COL9A1: variants seen among roughly 807,000 people sequenced by gnomAD.
COL9A1 encodes collagen type IX alpha 1 chain, also known as collagen alpha-1(IX) chain.
Under a neutral mutation model 142.6 loss-of-function variants are expected in COL9A1, and 104 were observed. The ratio of observed to expected loss-of-function variants is 0.73; its 90% CI spans 0.62 to 0.86. The LOEUF is 0.86. COL9A1 is among the 40% of genes least tolerant of loss of function. The pLI is 0.00. For synonymous variants in COL9A1, 466 were observed against 396.0 expected (o/e 1.18, Z -2.10); for missense variants, 1,210 against 1,176.6 (o/e 1.03, Z -0.42).
chr6:70,217,230 G>A, intron 37 of COL9A1, 149 bp from the exon 38 acceptor site: 2 of 719,910 alleles, frequency 2.8e-6, no homozygotes, highest in Admixed American at 2.2e-5. Flanking sequence ...TGGTGATGAT[G>A]ATGATGATGA....
chr6:70,302,455 G>A (rs1194006588), intron 1 of COL9A1, among the ~76,000 whole-genome samples: 2 of 151,888 alleles, frequency 1.3e-5, no homozygotes, highest in Admixed American at 6.6e-5. Flanking sequence ...TGATTCGCCC[G>A]CCTCGGCCTC....
chr6:70,232,699 C>A lies in COL9A1; in HGVS notation c.2387G>T (p.Gly796Val). ...AGGAGGGCCGGGGGGACCAGGAGGGCCAGGCCTTCCAGGAAGCCCAGTGGC... is the reference window on the plus strand; with the variant it reads ...AGGAGGGCCGGGGGGACCAGGAGGGACAGGCCTTCCAGGAAGCCCAGTGGC... Reference protein sequence around the residue: ...SGATGLPGRPGPPGPPGPPGE... With the variant: ...SGATGLPGRPVPPGPPGPPGE... The change falls in exon 36 of 38, where the codon GGC becomes GTC. Residue 796 changes from glycine to valine, a missense_variant. Gly to Val is a moderately radical substitution (Grantham distance 109). Transcript: ENST00000357250. 1 of 1,613,964 alleles carries A rather than the reference C, an allele frequency of 6.2e-7. No homozygotes were observed. The highest frequency in any genetic ancestry group is 8.5e-7 in the Non-Finnish European group (1 of 1,180,000).
intron 37 of COL9A1, among the ~76,000 whole-genome samples, chr6:70,223,456 G>C (rs1769015919): frequency 6.6e-6 from 1 of 152,166 alleles, no homozygotes; most frequent in Non-Finnish European, 1.5e-5. Context: ...GTTAGTTAGT[G>C]GCATAGTCAA....
chr6:70,266,789 GTAAT>G lies in COL9A1; in HGVS notation c.1288-23_1288-20del. 1 of 1,607,982 alleles carries G rather than the reference GTAAT, an allele frequency of 6.2e-7. No individual in the cohort carries two copies. The highest frequency in any genetic ancestry group is 8.5e-7 in the Non-Finnish European group (1 of 1,174,614). ...TATGACCCTAACAAATGCAAAATAA[GTAAT>G]TGTCTTGAGTTTGGTACAGAAAGTG... is the stretch of plus-strand genomic sequence containing the variant. On this transcript the variant is annotated intron_variant, in intron 17 of 37. Coordinates refer to ENST00000357250, the MANE Select transcript of COL9A1 (RefSeq NM_001851.6).
At chr6:70,239,424 A>G in intron 32 of COL9A1, 138 bp from the exon 33 acceptor site, 1 of 645,778 alleles carries the variant, frequency 1.5e-6, no homozygotes, top group South Asian at 1.9e-5. Context: ...AAAAAATATT[A>G]GACTCCAATT....
intron 17 of COL9A1, among the ~76,000 whole-genome samples, chr6:70,267,083 C>A (rs545347884): frequency 6.6e-6 from 1 of 152,158 alleles, no homozygotes; most frequent in African/African-American, 2.4e-5. Context: ...CTTCCTCACA[C>A]GGGTTAGGAG....
intron 10 of COL9A1, among the ~76,000 whole-genome samples, chr6:70,277,253 T>C (rs895789907): frequency 1.3e-5 from 2 of 152,008 alleles, no homozygotes; most frequent in Non-Finnish European, 2.9e-5. Flanking sequence ...CATATAAAAA[T>C]ATCTCTATTA....
intron 10 of COL9A1, chr6:70,275,120 G>T: frequency 3.5e-6 from 1 of 287,270 alleles, no homozygotes; most frequent in Non-Finnish European, 6.6e-6. Flanking sequence ...GTGGGTCTTG[G>T]TTCTGCCATT....
chr6:70,279,022 C>T (rs1772944541), intron 10 of COL9A1, among the ~76,000 whole-genome samples: 1 of 151,906 alleles, frequency 6.6e-6, no homozygotes, highest in Admixed American at 6.6e-5. Flanking sequence ...TTCAGATGAC[C>T]CATTTACGCT....
intron 5 of COL9A1, among the ~76,000 whole-genome samples, chr6:70,289,089 C>G (rs1355305037): frequency 6.6e-6 from 1 of 152,116 alleles, no homozygotes; most frequent in African/African-American, 2.4e-5. Flanking sequence ...CAATTCCCTT[C>G]CCCTGTGTGG....
At chr6:70,282,777 A>C in intron 7 of COL9A1, 121 bp downstream of exon 7, 10 of 1,456,514 alleles carry the variant, frequency 6.9e-6, no homozygotes, top group Non-Finnish European at 9.5e-6. Flanking sequence ...GGCTGGAGGA[A>C]GCGCGGGTCT....
At chr6:70,224,494 G>C (rs1240633414) in intron 37 of COL9A1, among the ~76,000 whole-genome samples, 3 of 152,212 alleles carry the variant, frequency 2.0e-5, no homozygotes, top group Non-Finnish European at 4.4e-5. Flanking sequence ...GTTGCCAATA[G>C]TGCAAGTCAT....
chr6:70,286,931 A>T (rs1402582135), intron 5 of COL9A1, among the ~76,000 whole-genome samples: 2 of 152,216 alleles, frequency 1.3e-5, no homozygotes, highest in Admixed American at 6.5e-5. Flanking sequence ...CATATAACAC[A>T]TTCATGTGCT....
In COL9A1 at chr6:70,220,726, C is replaced by T. The variant is rs369314981; in HGVS notation, c.2582-3645G>A. ...AAAAAGTGAAGCTGACTCATAATAACGGTTCACAAAATGGGCATAAATGGT... is the reference window on the plus strand; with the variant it reads ...AAAAAGTGAAGCTGACTCATAATAATGGTTCACAAAATGGGCATAAATGGT... On this transcript the variant is annotated intron_variant, in intron 37 of 37. Transcript: ENST00000357250. 2.9e-4 allele frequency among the ~76,000 whole-genome samples: 44 copies of T among 152,302 alleles called. 1 individual carries two copies. In the South Asian group the frequency reaches 5.6e-3, roughly 19 times the overall value.
intron 10 of COL9A1, chr6:70,275,103 A>G: frequency 2.9e-6 from 1 of 343,206 alleles, no homozygotes; most frequent in South Asian, 3.1e-5. Flanking sequence ...TGTAATAGCT[A>G]AGACTGGTGG....
At position 70,263,273 on chromosome 6, in the gene COL9A1, G is replaced by A. The variant is rs751839615; in HGVS notation, c.1366C>T (p.Leu456Phe). Reference sequence around the variant, plus strand: ...GGTCCTTGAGCTCCAACTTCTCCGAGTTCTCCCTGGTCACCTTCTTCACCC... The same window carrying A: ...GGTCCTTGAGCTCCAACTTCTCCGAATTCTCCCTGGTCACCTTCTTCACCC... ...HKGEEGDQGELGEVGAQGPPG... is the reference protein window; with the variant it reads ...HKGEEGDQGEFGEVGAQGPPG... Residue 456 changes from leucine to phenylalanine, a missense_variant, in exon 19 of 38, where the codon CTC (leucine) becomes TTC (phenylalanine). By Grantham distance (22) the Leu-to-Phe change is conservative (BLOSUM62 0). Transcript: ENST00000357250. 2.1e-5 allele frequency: 33 copies of A among 1,609,038 alleles called. No homozygotes were observed. Among genetic ancestry groups the A allele is most frequent in the South Asian group, 2.0e-4 (18 of 89,794 alleles).
chr6:70,240,630 A>G, intron 32 of COL9A1, 59 bp downstream of exon 32: 3 of 1,193,296 alleles, frequency 2.5e-6, no homozygotes, highest in Non-Finnish European at 3.7e-6. Flanking sequence ...ATATATATAT[A>G]CTTCTAACAG....
At chr6:70,294,619 T>C (rs1028371194) in intron 4 of COL9A1, 56 bp from the exon 5 acceptor site, 1 of 1,553,552 alleles carries the variant, frequency 6.4e-7, no homozygotes, top group Non-Finnish European at 8.9e-7. Context: ...CCCATATGTA[T>C]TTACCACATT....
At chr6:70,298,636 G>T (rs564031) in intron 4 of COL9A1, among the ~76,000 whole-genome samples, 1 of 151,860 alleles carries the variant, frequency 6.6e-6, no homozygotes, top group Non-Finnish European at 1.5e-5. Context: ...AGGAAGCCAC[G>T]TGGCATCAAA....
Sources: gnomAD v4.1 joint callset for allele counts (sites outside exome capture counted in the v4.1 genomes callset) on GRCh38, gnomAD v4.1.1 for gene constraint, MANE v1.5 for transcripts, NCBI Gene and HGNC (gene_info 2026-07-23, HGNC 2026-07-21) for gene names.